RGS5: variants seen among roughly 807,000 people sequenced by gnomAD.
The protein encoded by RGS5 is regulator of G protein signaling 5.
Under a neutral mutation model 18.9 loss-of-function variants are expected in RGS5, and 20 were observed. The observed-to-expected ratio is 1.06, with a 90% confidence interval of 0.74 to 1.54. The LOEUF (loss-of-function observed/expected upper bound fraction) is 1.54. Ranked by LOEUF, RGS5 falls within the 40% of genes most tolerant of loss-of-function variation. The pLI is 0.00. For missense variants in RGS5, 201 were observed against 211.8 expected, an observed-to-expected ratio of 0.95 and a Z score of 0.32; for synonymous variants, 57 against 76.2, an observed-to-expected ratio of 0.75 and a Z score of 1.31.
chr1:163,189,753 C>G (rs547327972), intron 1 of RGS5, among the ~76,000 whole-genome samples: 11 of 152,208 alleles, frequency 7.2e-5, no homozygotes, highest in African/African-American at 2.6e-4. Context: ...GGCTTGACCC[C>G]CTTGTGGGAA....
intron 2 of RGS5, among the ~76,000 whole-genome samples, chr1:163,241,574 C>T (rs1647793920): frequency 1.3e-5 from 2 of 152,282 alleles, no homozygotes; most frequent in South Asian, 4.1e-4. Flanking sequence ...CACACTTATG[C>T]AACCCACGGT....
At chr1:163,157,009 G>A (rs1657608902) in intron 3 of RGS5, among the ~76,000 whole-genome samples, 1 of 152,106 alleles carries the variant, frequency 6.6e-6, no homozygotes, top group African/African-American at 2.4e-5. Context: ...GAAAAGAGAA[G>A]GAAGAAAACC....
At chr1:163,284,722 G>C (rs1466166708) in intron 2 of RGS5, among the ~76,000 whole-genome samples, 1 of 151,874 alleles carries the variant, frequency 6.6e-6, no homozygotes, top group Non-Finnish European at 1.5e-5. Context: ...AATAGGATCT[G>C]TCTTCCCTCT....
Position 163,310,540 on chromosome 1 carries a change from A to T in RGS5, c.-377-4211T>A, listed in dbSNP as rs191793845. 1.7e-3 allele frequency among the ~76,000 whole-genome samples: 250 copies of T among 144,102 alleles called. 1 individual carries two copies. The highest frequency in any genetic ancestry group is 6.1e-3 in the African/African-American group (234 of 38,402). The allele number at this position is 144,102 out of a possible 152,430, so 94.5% of individuals were successfully genotyped here. ...CAGTGAGCAGAGATTGCGCGACTGCACTCCAGCCTGGGCGACAGAGCAAGA... is the reference window on the plus strand; with the variant it reads ...CAGTGAGCAGAGATTGCGCGACTGCTCTCCAGCCTGGGCGACAGAGCAAGA... On this transcript the variant is annotated intron_variant, in intron 1 of 5. Coordinates refer to the RGS5 transcript ENST00000618415.
intron 1 of RGS5, 81 bp from the exon 2 acceptor site, chr1:163,168,449 G>A: frequency 1.9e-6 from 2 of 1,041,020 alleles, no homozygotes; most frequent in Non-Finnish European, 2.9e-6. Flanking sequence ...CTGTGTCAGA[G>A]AAACAAAAAT....
At chr1:163,181,642 T>C (rs529940846) in intron 1 of RGS5, among the ~76,000 whole-genome samples, 3 of 152,290 alleles carry the variant, frequency 2.0e-5, no homozygotes, top group Admixed American at 2.0e-4. Flanking sequence ...TTTTTGTAAA[T>C]GTATACCTAA....
At chr1:163,296,408 T>C (rs1649420166) in intron 2 of RGS5, among the ~76,000 whole-genome samples, 1 of 152,164 alleles carries the variant, frequency 6.6e-6, no homozygotes, top group Non-Finnish European at 1.5e-5. Flanking sequence ...TCTTCCACCT[T>C]TCTGACATGG....
At chr1:163,188,265 T>C (rs928148521) in intron 1 of RGS5, among the ~76,000 whole-genome samples, 3 of 152,146 alleles carry the variant, frequency 2.0e-5, no homozygotes, top group Non-Finnish European at 4.4e-5. Context: ...ACGGTCATTG[T>C]TATCTTTAAT....
intron 2 of RGS5, among the ~76,000 whole-genome samples, chr1:163,269,279 T>A (rs1180802767): frequency 6.6e-6 from 1 of 152,164 alleles, no homozygotes; most frequent in Non-Finnish European, 1.5e-5. Flanking sequence ...TTTGCCCATC[T>A]GTATTTATTT....
intron 2 of RGS5, among the ~76,000 whole-genome samples, chr1:163,167,731 C>G (rs185888661): frequency 6.6e-5 from 10 of 152,142 alleles, no homozygotes; most frequent in Admixed American, 2.0e-4. Context: ...GACTTTGTTC[C>G]TCTGTTGGAA....
At chr1:163,198,445 A>C (rs1256657871) in intron 1 of RGS5, among the ~76,000 whole-genome samples, 1 of 152,128 alleles carries the variant, frequency 6.6e-6, no homozygotes, top group Non-Finnish European at 1.5e-5. Context: ...TGATATTTAG[A>C]TTTTTGAGAC....
At chr1:163,266,926 A>G (rs1469806644) in intron 2 of RGS5, among the ~76,000 whole-genome samples, 1 of 152,176 alleles carries the variant, frequency 6.6e-6, no homozygotes, top group African/African-American at 2.4e-5. Flanking sequence ...AAGGTGAGTG[A>G]AATAATATCA....
upstream of RGS5, among the ~76,000 whole-genome samples, chr1:163,206,377 G>T (rs1331703165): frequency 1.3e-5 from 2 of 151,456 alleles, no homozygotes; most frequent in African/African-American, 2.4e-5. Flanking sequence ...GTTGCTTTTT[G>T]ATTTTTTTAA....
At chr1:163,273,684 T>C (rs540444067) in intron 2 of RGS5, among the ~76,000 whole-genome samples, 1 of 152,290 alleles carries the variant, frequency 6.6e-6, no homozygotes, top group South Asian at 2.1e-4. Context: ...CAGAGACAGT[T>C]TATATGAACT....
At chr1:163,296,854 GAGTT>G (rs1649430497) in intron 2 of RGS5, among the ~76,000 whole-genome samples, 1 of 152,056 alleles carries the variant, frequency 6.6e-6, no homozygotes. Context: ...TATTTTGAAT[GAGTT>G]ATTTTGAGAA....
At chr1:163,169,379 G>GTAA (rs1350839342) in intron 1 of RGS5, among the ~76,000 whole-genome samples, 1 of 152,166 alleles carries the variant, frequency 6.6e-6, no homozygotes, top group Admixed American at 6.5e-5. Flanking sequence ...TATATACCCA[G>GTAA]TAATAGGATG....
At chr1:163,245,976 G>A (rs1387130789) in intron 2 of RGS5, among the ~76,000 whole-genome samples, 1 of 152,200 alleles carries the variant, frequency 6.6e-6, no homozygotes, top group Non-Finnish European at 1.5e-5. Flanking sequence ...AGCATTTTGG[G>A]AGGCCAAGGC....
At chr1:163,215,512 AG>A (rs1212913399) in intron 1 of RGS5, among the ~76,000 whole-genome samples, 2 of 152,222 alleles carry the variant, frequency 1.3e-5, no homozygotes, top group Non-Finnish European at 2.9e-5. Flanking sequence ...CACTCAAATT[AG>A]GATAATTGGA....
In RGS5 at chr1:163,147,149, A is replaced by C; in HGVS notation, c.*193T>G. 2.4e-6 allele frequency: 1 copy of C among 424,596 alleles called. No homozygotes were observed. The highest frequency in any genetic ancestry group is 4.1e-6 in the Non-Finnish European group (1 of 246,376). 26.3% of individuals were successfully genotyped at this position (424,596 alleles called of 1,614,324 possible). On this transcript the variant is annotated 3_prime_UTR_variant, in exon 5 of 5. Transcript: ENST00000313961. ...CAGGGCAGGAAGAATTGAGTGGGGA[A>C]AGAAGGCCTTCGGACAGTAGATAAG...
Sources: allele counts gnomAD v4.1 joint callset (sites outside exome capture counted in the v4.1 genomes callset), GRCh38; gene constraint gnomAD v4.1.1; transcripts MANE v1.5; gene names NCBI Gene and HGNC (gene_info 2026-07-23, HGNC 2026-07-21).